CES3: variants seen among roughly 807,000 people sequenced by gnomAD.
The protein encoded by CES3 is carboxylesterase 3 (brain).
A neutral mutation model predicts 57.6 loss-of-function variants in CES3; 49 were observed. The ratio of observed to expected loss-of-function variants is 0.85; its 90% CI spans 0.68 to 1.08. CES3 has a LOEUF of 1.08. Ranked by LOEUF, CES3 falls within the 50% of genes least tolerant of loss-of-function variation. The pLI is 0.00. For synonymous variants in CES3, 266 were observed against 281.6 expected (o/e 0.94, Z 0.55); for missense variants, 645 against 742.0 (o/e 0.87, Z 1.52).
Position 66,963,521 on chromosome 16 carries a change from C to A in CES3, c.318C>A (p.Ser106Arg). ...MCLQDVESMNSSRFVLNGKQQ... is the reference protein window; with the variant it reads ...MCLQDVESMNRSRFVLNGKQQ... ...TACAAGACGTGGAGAGCATGAACAGCAGCAGATTTGTCCTCAACGGAAAAC... is the reference window on the plus strand; with the variant it reads ...TACAAGACGTGGAGAGCATGAACAGAAGCAGATTTGTCCTCAACGGAAAAC... The change falls in exon 3 of 13, where the codon AGC becomes AGA. Residue 106 changes from serine (S) to arginine (R), a missense_variant. By Grantham distance (110) the Ser-to-Arg change is moderately radical. Coordinates refer to ENST00000303334, the MANE Select transcript of CES3 (RefSeq NM_024922.6). This position sits in a 1 kb window ranked among gnomAD's most constrained non-coding sequence, Gnocchi z 4.9. 6.2e-7 allele frequency: 1 copy of A among 1,614,138 alleles called. No homozygotes were observed. The highest frequency in any genetic ancestry group is 1.1e-5 in the South Asian group (1 of 91,082).
At chr16:66,969,389 G>A (rs1963791477) in intron 8 of CES3, among the ~76,000 whole-genome samples, 1 of 152,230 alleles carries the variant, frequency 6.6e-6, no homozygotes, top group South Asian at 2.1e-4. Context: ...CTGGGCAACG[G>A]AGTGAGTCTC....
chr16:66,970,798 G>A (rs1417075108), intron 9 of CES3, among the ~76,000 whole-genome samples: 1 of 152,182 alleles, frequency 6.6e-6, no homozygotes, highest in African/African-American at 2.4e-5. Flanking sequence ...TCTCATCACT[G>A]CCCTCTGGAG....
At chr16:66,970,710 G>T (rs1963817894) in intron 9 of CES3, among the ~76,000 whole-genome samples, 1 of 152,214 alleles carries the variant, frequency 6.6e-6, no homozygotes, top group Non-Finnish European at 1.5e-5. Flanking sequence ...GTCTACCTGG[G>T]ATCTCAATAC....
In CES3 at chr16:66,972,419, A is replaced by T. The variant is rs1251405356; in HGVS notation, c.1355A>T (p.Lys452Ile). The part of the protein sequence containing the change: ...QHRPSSFAKI[K>I]PAWVKADHGA... ...CGACCCAGTTCTTTTGCGAAGATCA[A>T]ACCTGCCTGGGTGAAGGCTGATCAT... Residue 452 changes from lysine to isoleucine, a missense_variant, in exon 11 of 13, where the codon AAA becomes ATA. Transcript: ENST00000303334. 1.2e-6 allele frequency: 2 copies of T among 1,613,850 alleles called. No homozygotes were observed. The highest frequency in any genetic ancestry group is 1.1e-5 in the South Asian group (1 of 91,024).
At chr16:66,967,886 AGC>A (rs1032904829) in intron 8 of CES3, 4 of 437,902 alleles carry the variant, frequency 9.1e-6, no homozygotes, top group African/African-American at 8.6e-5. Flanking sequence ...CTTCCTGAGT[AGC>A]TCGGGCCTCA....
Position 66,972,456 on chromosome 16 carries a change from T to C in CES3, c.1392T>C (p.Gly464=), listed in dbSNP as rs1396402684. The C allele has an allele frequency of 1.2e-6, 2 of 1,613,834 alleles. No homozygotes were observed. Among genetic ancestry groups the C allele is most frequent in the South Asian group, 1.1e-5 (1 of 91,046 alleles). ...TGAAGGCTGATCATGGGGCCGAGGG[T>C]GCTTTTGTGTTCGGAGGTCCCTTCC... ...AWVKADHGAE[G]AFVFGGPFLM... is the part of the protein sequence containing the mutation. Residue 464 remains glycine, a synonymous_variant, in exon 11 of 13, where the codon GGT becomes GGC. Transcript: ENST00000303334.
rs771595538 is a variant in CES3, at chr16:66,963,641, A to G, written c.426+12A>G. ...GGTCCGGTAGGCCGGTAGGCACCCC[A>G]GAGGGCCCTGTCCACCTGATCCAGC... On this transcript the variant is annotated intron_variant, in intron 3 of 12. Coordinates refer to ENST00000303334, the MANE Select transcript of CES3 (RefSeq NM_024922.6). This position sits in a 1 kb window ranked among gnomAD's most constrained non-coding sequence, Gnocchi z 4.9. 17 of 1,613,992 alleles carry G rather than the reference A, an allele frequency of 1.1e-5. No homozygotes were observed. The highest frequency in any genetic ancestry group is 1.4e-5 in the Non-Finnish European group (17 of 1,180,004).
chr16:66,964,291 A>G (rs1963697989), intron 4 of CES3, 66 bp from the exon 5 acceptor site: 14 of 1,579,390 alleles, frequency 8.9e-6, no homozygotes, highest in Non-Finnish European at 1.2e-5. Flanking sequence ...GGCTAATTCA[A>G]AGCAAACCTG....
chr16:66,965,993 C>T (rs1963724253), intron 6 of CES3, among the ~76,000 whole-genome samples: 1 of 152,134 alleles, frequency 6.6e-6, no homozygotes, highest in Non-Finnish European at 1.5e-5. Flanking sequence ...AATGAGGACT[C>T]AGTGCCCCCA....
rs896309458 is a variant in CES3, at chr16:66,963,125, T to C, written c.83-54T>C. Reference sequence around the variant, plus strand: ...AGCCTGAGGGTTTGTCTTTCACTCCTTCCCCTCATGGGGGCTGCAAACTCA... The same window carrying C: ...AGCCTGAGGGTTTGTCTTTCACTCCCTCCCCTCATGGGGGCTGCAAACTCA... On this transcript the variant is annotated intron_variant, in intron 1 of 12. Coordinates refer to ENST00000303334, the MANE Select transcript of CES3 (RefSeq NM_024922.6). The surrounding 1 kb of genome is among the most constrained non-coding windows in gnomAD (Gnocchi z 4.9). 3 of 1,568,402 alleles carry C rather than the reference T, an allele frequency of 1.9e-6. No homozygotes were observed. The African/African-American group carries it at 4.0e-5, about 21-fold the overall frequency.
intron 6 of CES3, among the ~76,000 whole-genome samples, 196 bp downstream of exon 6, chr16:66,964,923 A>C (rs1231273376): frequency 2.0e-5 from 3 of 152,068 alleles, no homozygotes; most frequent in Non-Finnish European, 4.4e-5. Flanking sequence ...GGGCTTCCTG[A>C]AGGAAGCCAC....
rs748587044 is a variant in CES3 at position 66,963,535 on chromosome 16, T to C, written c.332T>C (p.Leu111Pro). 5 of 1,614,066 alleles carry C rather than the reference T, an allele frequency of 3.1e-6. No homozygotes were observed. Among genetic ancestry groups the C allele is most frequent in the Non-Finnish European group, 4.2e-6 (5 of 1,180,024 alleles). Reference protein sequence around the residue: ...VESMNSSRFVLNGKQQIFSVS... With the variant: ...VESMNSSRFVPNGKQQIFSVS... Reference sequence around the variant, plus strand: ...AGCATGAACAGCAGCAGATTTGTCCTCAACGGAAAACAGCAGATCTTCTCC... The same window carrying C: ...AGCATGAACAGCAGCAGATTTGTCCCCAACGGAAAACAGCAGATCTTCTCC... The change falls in exon 3 of 13, where the codon CTC (leucine) becomes CCC (proline). Residue 111 changes from leucine to proline, a missense_variant. Transcript: ENST00000303334. This position sits in a 1 kb window ranked among gnomAD's most constrained non-coding sequence, Gnocchi z 4.9.
chr16:66,969,021 C>A (rs1352296089), intron 8 of CES3, among the ~76,000 whole-genome samples: 2 of 152,242 alleles, frequency 1.3e-5, no homozygotes, highest in African/African-American at 2.4e-5. Flanking sequence ...ACCAAGGGAA[C>A]CCCAACCTGG....
Position 66,966,250 on chromosome 16 carries a change from G to A in CES3, c.826G>A (p.Ala276Thr), listed in dbSNP as rs201368885. The A allele has an allele frequency of 6.1e-5, 99 of 1,612,864 alleles. 1 individual carries two copies. The East Asian group carries it at 1.6e-3, about 26-fold the overall frequency. Residue 276 changes from alanine to threonine, a missense_variant, in exon 7 of 13, where the codon GCA (alanine) becomes ACA (threonine). Transcript: ENST00000303334. ...CTCTTTCATTTGTCCCCAGAAAATC[G>A]CAAACACCTTGGCCTGCAGCTCCAG... Reference protein sequence around the residue: ...SHPWPLAQKIANTLACSSSSP... With the variant: ...SHPWPLAQKITNTLACSSSSP...
At chr16:66,971,417 A>G in intron 10 of CES3, 98 bp downstream of exon 10, 4 of 1,291,746 alleles carry the variant, frequency 3.1e-6, no homozygotes, top group Non-Finnish European at 4.4e-6. Flanking sequence ...TGGTTCCCTC[A>G]ATGCCTTGCA....
chr16:66,969,627 C>G, intron 8 of CES3, 52 bp from the exon 9 acceptor site: 1 of 1,551,778 alleles, frequency 6.4e-7, no homozygotes, highest in South Asian at 1.1e-5. Context: ...GGCTGGGAGT[C>G]GGGGTGAGCC....
chr16:66,966,896 G>C, intron 8 of CES3, 31 bp downstream of exon 8: 1 of 1,612,526 alleles, frequency 6.2e-7, no homozygotes, highest in Non-Finnish European at 8.5e-7. Context: ...TGCCCTTCAA[G>C]GCCCTGCCCC....
intron 8 of CES3, 95 bp downstream of exon 8, chr16:66,966,960 C>G: frequency 2.2e-6 from 3 of 1,392,180 alleles, no homozygotes; most frequent in Non-Finnish European, 3.0e-6. Context: ...ACGGAGCACT[C>G]CCGTTACTCC....
rs200056024 is a variant in CES3 at position 66,966,820 on chromosome 16, C to T, written c.1017C>T (p.Phe339=). The change falls in exon 8 of 13, where the codon TTC becomes TTT. Residue 339 remains phenylalanine, a synonymous_variant. Transcript: ENST00000303334. ...AGAAGCCCTTCCACTCTGTGCCCTT[C>T]CTCATGGGTGTCAACAACCATGAGT... ...LKEKPFHSVP[F]LMGVNNHEFS... The T allele has an allele frequency of 1.8e-4, 291 of 1,614,186 alleles. 1 individual carries two copies. The highest frequency in any genetic ancestry group is 6.6e-4 in the Middle Eastern group (4 of 6,062).
Sources: gnomAD v4.1 joint callset for allele counts (sites outside exome capture counted in the v4.1 genomes callset) on GRCh38, gnomAD v4.1.1 for gene constraint, Gnocchi (gnomAD v3.1) non-coding constraint, MANE v1.5 for transcripts, NCBI Gene and HGNC (gene_info 2026-07-23, HGNC 2026-07-21) for gene names.